Variants in SLCO1A2 observed in about 807,000 individuals in gnomAD.
SLCO1A2 encodes OATP-1.
SLCO1A2 carries 67 observed loss-of-function variants against 69.0 expected under a neutral mutation model. The observed-to-expected ratio is 0.97, with a 90% CI of 0.80 to 1.19. The LOEUF is 1.19. Ranked by LOEUF, SLCO1A2 falls within the 50% of genes most tolerant of loss-of-function variation. SLCO1A2 has a pLI of 0.00. For missense variants in SLCO1A2, 787 were observed against 793.7 expected (o/e 0.99, Z 0.10); for synonymous variants, 260 against 265.9 (o/e 0.98, Z 0.22).
Position 21,275,340 on chromosome 12 carries a change from G to GA in SLCO1A2, c.1675+19dup, listed in dbSNP as rs765546448. On this transcript the variant is annotated intron_variant, in intron 13 of 14. Transcript: ENST00000683939. ...ATAATATTGTTCTGATAGGATGTGG[G>GA]AAAAAATAACTATTTTTACCAAATA... 3.3e-6 allele frequency: 5 copies of GA among 1,535,958 alleles called. No homozygotes were observed. The highest frequency in any genetic ancestry group is 2.4e-5 in the South Asian group (2 of 82,158).
rs765153980 is a variant in SLCO1A2 at position 21,265,072 on chromosome 12, G to A, written c.*4476C>T. On this transcript the variant is annotated 3_prime_UTR_variant, in exon 15 of 15. Transcript: ENST00000683939. ...AGCCTTTCACATGGAAGGAAGTTTT[G>A]TGTGGTAGCTCTGGTGTATTAAAAT... The A allele has an allele frequency of 6.6e-6, 1 of 152,336 alleles. No individual in the cohort carries two copies. Among genetic ancestry groups the A allele is most frequent in the Non-Finnish European group, 1.5e-5 (1 of 68,138 alleles). 9.4% of individuals were successfully genotyped at this position (152,336 alleles called of 1,614,324 possible). A position where few individuals can be genotyped will look rare whatever the true frequency, so the allele number is the denominator to read the frequency against.
intron 14 of SLCO1A2, among the ~76,000 whole-genome samples, chr12:21,273,012 G>A (rs1314441389): frequency 1.3e-5 from 2 of 152,028 alleles, no homozygotes; most frequent in Admixed American, 1.3e-4. Flanking sequence ...AAGACTCATA[G>A]GTCAGGGACA....
chr12:21,303,638 G>A (rs145483880), intron 6 of SLCO1A2, among the ~76,000 whole-genome samples: 8 of 152,240 alleles, frequency 5.3e-5, no homozygotes, highest in South Asian at 2.1e-4. Context: ...TAAGCAAGTC[G>A]TGCATAATAA....
intron 8 of SLCO1A2, 26 bp downstream of exon 8, chr12:21,300,322 A>G (rs1948546545): frequency 6.7e-7 from 1 of 1,487,494 alleles, no homozygotes; most frequent in Admixed American, 1.8e-5. Flanking sequence ...GGTCAATTTC[A>G]TAGTATTTAG....
exon 1 of SLCO1A2, chr12:21,417,906 G>A (rs978120641): frequency 3.9e-5 from 6 of 152,168 alleles, no homozygotes; most frequent in African/African-American, 7.2e-5. Context: ...TTAGTTCAGA[G>A]GGGAGTTCTG....
At chr12:21,367,542 T>C (rs543270881) in intron 2 of SLCO1A2, among the ~76,000 whole-genome samples, 37 of 152,268 alleles carry the variant, frequency 2.4e-4, no homozygotes, top group African/African-American at 8.7e-4. Flanking sequence ...TCATATCATA[T>C]TTTATCATTC....
intron 1 of SLCO1A2, among the ~76,000 whole-genome samples, chr12:21,380,490 C>T (rs1940518250): frequency 6.6e-6 from 1 of 152,164 alleles, no homozygotes; most frequent in Admixed American, 6.5e-5. Flanking sequence ...GAAGTTTATT[C>T]ATTCAATTTC....
intron 1 of SLCO1A2, among the ~76,000 whole-genome samples, chr12:21,391,052 T>A (rs928000453): frequency 1.3e-5 from 2 of 152,176 alleles, no homozygotes; most frequent in African/African-American, 4.8e-5. Context: ...AAGAAACAAC[T>A]ATTTTGAGAG....
chr12:21,301,822 C>G (rs998740991), intron 6 of SLCO1A2, among the ~76,000 whole-genome samples: 10 of 152,148 alleles, frequency 6.6e-5, no homozygotes, highest in African/African-American at 2.4e-4. Flanking sequence ...TCAGTCCTAT[C>G]TGTCTTCACT....
intron 1 of SLCO1A2, chr12:21,394,830 A>C (rs1234782005): frequency 6.6e-6 from 1 of 152,150 alleles, no homozygotes; most frequent in African/African-American, 2.4e-5. Context: ...TCAAGCCAAT[A>C]ATATCAATTG....
chr12:21,368,804 A>G (rs922670647), intron 2 of SLCO1A2, among the ~76,000 whole-genome samples: 2 of 152,152 alleles, frequency 1.3e-5, no homozygotes. Context: ...ATGTACACCT[A>G]ATATTGATAT....
At chr12:21,366,830 A>G (rs1939425506) in intron 2 of SLCO1A2, among the ~76,000 whole-genome samples, 1 of 152,000 alleles carries the variant, frequency 6.6e-6, no homozygotes, top group African/African-American at 2.4e-5. Context: ...ACTTCATAGA[A>G]GTTAAATAAT....
At chr12:21,280,746 T>G (rs1944652689) in intron 12 of SLCO1A2, among the ~76,000 whole-genome samples, 1 of 151,140 alleles carries the variant, frequency 6.6e-6, no homozygotes, top group Non-Finnish European at 1.5e-5. Context: ...CAAATGAACC[T>G]AATAAATACT....
chr12:21,334,832 A>ACGTTC lies in SLCO1A2; in HGVS notation c.-69_-68insGAACG. On this transcript the variant is annotated 5_prime_UTR_variant, in exon 1 of 15. Transcript: ENST00000683939. ...CCATTGCATTACAAAAATACCTGGA[A>ACGTTC]CGCTTTAATACAGATTAGAAAATCA... The ACGTTC allele has an allele frequency of 2.0e-6, 1 of 489,166 alleles. No homozygotes were observed. Among genetic ancestry groups the ACGTTC allele is most frequent in the Non-Finnish European group, 3.5e-6 (1 of 285,868 alleles). The allele number at this position is 489,166 out of a possible 1,614,324, so 30.3% of individuals were successfully genotyped here.
chr12:21,414,120 C>T (rs1158602195), intron 1 of SLCO1A2, among the ~76,000 whole-genome samples: 1 of 152,100 alleles, frequency 6.6e-6, no homozygotes, highest in Non-Finnish European at 1.5e-5. Flanking sequence ...GCGGAACTAT[C>T]TCCAACCTTC....
intron 2 of SLCO1A2, among the ~76,000 whole-genome samples, chr12:21,329,098 T>C (rs1332870593): frequency 2.0e-5 from 3 of 152,176 alleles, no homozygotes; most frequent in Non-Finnish European, 2.9e-5. Context: ...TCATCAGCAA[T>C]TTAATAGTGA....
intron 14 of SLCO1A2, chr12:21,273,886 A>G (rs1357822070): frequency 7.0e-6 from 1 of 143,042 alleles, no homozygotes; most frequent in Non-Finnish European, 1.6e-5. Context: ...CCATCAAGAG[A>G]AGTTAATTCA....
In SLCO1A2 at chr12:21,365,659, G is replaced by T. The variant is rs1591886392; in HGVS notation, c.-63+8740C>A. Among the ~76,000 whole-genome samples the T allele has an allele frequency of 2.6e-5, 4 of 152,046 alleles. No homozygotes were observed. In the East Asian group the frequency reaches 5.8e-4, roughly 22 times the overall value. Reference sequence around the variant, plus strand: ...TTACAATCTACCCATCTGACAAAGGGCTAATATCCAGAATCTACAAAGAAC... The same window carrying T: ...TTACAATCTACCCATCTGACAAAGGTCTAATATCCAGAATCTACAAAGAAC... On this transcript the variant is annotated intron_variant, in intron 2 of 15. Coordinates refer to the SLCO1A2 transcript ENST00000307378.
intron 5 of SLCO1A2, among the ~76,000 whole-genome samples, chr12:21,306,235 T>G (rs1285081087): frequency 6.6e-6 from 1 of 152,212 alleles, no homozygotes; most frequent in East Asian, 1.9e-4. Context: ...ATTTACATAA[T>G]CATATACACC....
Sources: allele counts gnomAD v4.1 joint callset (sites outside exome capture counted in the v4.1 genomes callset), GRCh38; gene constraint gnomAD v4.1.1; transcripts MANE v1.5; gene names NCBI Gene and HGNC (gene_info 2026-07-23, HGNC 2026-07-21).